Variants in COQ3 observed in about 807,000 individuals in gnomAD.
COQ3 encodes coenzyme Q3, methyltransferase.
A neutral mutation model predicts 33.1 loss-of-function variants in COQ3; 29 were observed. That is an observed-to-expected ratio of 0.88 (90% CI 0.65 to 1.19). The LOEUF (loss-of-function observed/expected upper bound fraction) is 1.19. Among genes scored for constraint, COQ3 ranks in the 50% most tolerant of loss-of-function variants. The pLI, the probability that COQ3 is intolerant of heterozygous loss-of-function variation, is 0.00. For synonymous variants in COQ3, 173 were observed against 157.8 expected (o/e 1.10, Z -0.72); for missense variants, 437 against 430.7 (o/e 1.01, Z -0.13).
Position 99,369,816 on chromosome 6 carries a change from A to G in COQ3, c.894T>C (p.Gly298=). The change falls in exon 7 of 7, where the codon GGT becomes GGC. Residue 298 remains glycine (G), a synonymous_variant. Coordinates refer to ENST00000254759, the MANE Select transcript of COQ3 (RefSeq NM_017421.4). ...TTCCTACCACTGTTTGAACTGACAG[A>G]CCATCTGAAAAAAAAAAAAATCAGA... ...ETLESILESN[G]LSVQTVVGML... 1.3e-6 allele frequency: 2 copies of G among 1,558,950 alleles called. No homozygotes were observed. The highest frequency in any genetic ancestry group is 1.7e-6 in the Non-Finnish European group (2 of 1,150,796).
intron 2 of COQ3, among the ~76,000 whole-genome samples, chr6:99,382,017 T>G (rs1774488715): frequency 6.6e-6 from 1 of 152,018 alleles, no homozygotes; most frequent in African/African-American, 2.4e-5. Flanking sequence ...CCTATACCAC[T>G]TTGTACTTCT....
Position 99,371,502 on chromosome 6 carries a change from C to T in COQ3, c.815G>A (p.Ser272Asn). 6.2e-7 allele frequency: 1 copy of T among 1,606,840 alleles called. No homozygotes were observed. The highest frequency in any genetic ancestry group is 8.5e-7 in the Non-Finnish European group (1 of 1,175,282). Reference sequence around the variant, plus strand: ...TGTATGAGTACCTTTTGGTACAATACTTGCAATTTGCTCTGAAAAAACAAT... The same window carrying T: ...TGTATGAGTACCTTTTGGTACAATATTTGCAATTTGCTCTGAAAAAACAAT... ...LGIVFSEQIA[S>N]IVPKGTHTWE... is the part of the protein sequence containing the mutation. Residue 272 changes from serine to asparagine, a missense_variant, in exon 6 of 7, where the codon AGT becomes AAT. Coordinates refer to ENST00000254759, the MANE Select transcript of COQ3 (RefSeq NM_017421.4).
chr6:99,390,687 A>G (rs1036805109), intron 1 of COQ3, among the ~76,000 whole-genome samples: 1 of 152,140 alleles, frequency 6.6e-6, no homozygotes, highest in African/African-American at 2.4e-5. Context: ...ATCTTAGTGT[A>G]GTTTTAATTG....
At chr6:99,370,336 T>C (rs1237605205) in intron 6 of COQ3, among the ~76,000 whole-genome samples, 1 of 134,746 alleles carries the variant, frequency 7.4e-6, no homozygotes, top group African/African-American at 2.8e-5. Flanking sequence ...TTTCTTTTCT[T>C]TTCTTTACTT....
chr6:99,371,400 A>G, intron 6 of COQ3, 28 bp downstream of exon 6: 1 of 1,537,954 alleles, frequency 6.5e-7, no homozygotes, highest in South Asian at 1.2e-5. Context: ...AGGCCTGGAA[A>G]ATTGGAAAAA....
Position 99,383,900 on chromosome 6 carries a change from CTATTT to C in COQ3, c.107-81_107-77del, listed in dbSNP as rs1431044296. 9 of 1,152,472 alleles carry C rather than the reference CTATTT, an allele frequency of 7.8e-6. No individual in the cohort carries two copies. The African/African-American group carries it at 8.2e-5, about 10-fold the overall frequency. The allele number at this position is 1,152,472 out of a possible 1,614,324, so 71.4% of individuals were successfully genotyped here. A position where few individuals can be genotyped will look rare whatever the true frequency, so the allele number is the denominator to read the frequency against. On this transcript the variant is annotated intron_variant, in intron 1 of 6. Coordinates refer to ENST00000254759, the MANE Select transcript of COQ3 (RefSeq NM_017421.4). ...CCTGATATGCATGTAATTGAAGATT[CTATTT>C]TATTTTATTATTTATTTTATAGTCT...
chr6:99,393,043 C>T (rs9376127), intron 1 of COQ3, among the ~76,000 whole-genome samples: 49,641 of 151,906 alleles, frequency 0.33, 8,968 homozygotes, highest in East Asian at 0.78. Context: ...ATAAAAGACA[C>T]ATGTTTACTA....
intron 1 of COQ3, among the ~76,000 whole-genome samples, chr6:99,389,159 G>A (rs1774751891): frequency 6.6e-6 from 1 of 151,992 alleles, no homozygotes; most frequent in African/African-American, 2.4e-5. Context: ...CTCTCACTCT[G>A]TCGCCCAAAT....
chr6:99,379,250 T>TA (rs1457135528), intron 3 of COQ3, among the ~76,000 whole-genome samples: 2 of 152,288 alleles, frequency 1.3e-5, no homozygotes, highest in Non-Finnish European at 2.9e-5. Context: ...AACTCACTGA[T>TA]AAAAAATATT....
intron 5 of COQ3, among the ~76,000 whole-genome samples, chr6:99,375,300 T>G (rs1774252392): frequency 6.6e-6 from 1 of 151,954 alleles, no homozygotes; most frequent in African/African-American, 2.4e-5. Flanking sequence ...TCATTCAATA[T>G]CTGTTAAGTA....
intron 1 of COQ3, among the ~76,000 whole-genome samples, chr6:99,393,093 T>G (rs1774875306): frequency 6.6e-6 from 1 of 151,910 alleles, no homozygotes; most frequent in Non-Finnish European, 1.5e-5. Flanking sequence ...AAGGATAAAA[T>G]GATAGAAAAT....
At chr6:99,375,243 C>T (rs1774251262) in intron 5 of COQ3, among the ~76,000 whole-genome samples, 1 of 152,122 alleles carries the variant, frequency 6.6e-6, no homozygotes, top group Non-Finnish European at 1.5e-5. Context: ...GCTGGGATTA[C>T]AGGTGTGAGC....
At chr6:99,388,660 C>T (rs987499998) in intron 1 of COQ3, among the ~76,000 whole-genome samples, 24 of 151,922 alleles carry the variant, frequency 1.6e-4, no homozygotes, top group African/African-American at 5.8e-4. Context: ...CTAGTCTGGC[C>T]AACATGGTGA....
chr6:99,390,782 C>T (rs1243459700), intron 1 of COQ3, among the ~76,000 whole-genome samples: 2 of 152,202 alleles, frequency 1.3e-5, no homozygotes, highest in Non-Finnish European at 2.9e-5. Flanking sequence ...ACAACCTCCA[C>T]CAAGGTCACC....
Position 99,369,568 on chromosome 6 carries a change from C to T in COQ3, c.*32G>A. The T allele has an allele frequency of 7.0e-7, 1 of 1,436,110 alleles. No individual in the cohort carries two copies. The highest frequency in any genetic ancestry group is 2.3e-5 in the East Asian group (1 of 43,808). 89.0% of individuals were successfully genotyped at this position (1,436,110 alleles called of 1,614,324 possible). A position where few individuals can be genotyped will look rare whatever the true frequency, so the allele number is the denominator to read the frequency against. On this transcript the variant is annotated 3_prime_UTR_variant, in exon 7 of 7. Coordinates refer to ENST00000254759, the MANE Select transcript of COQ3 (RefSeq NM_017421.4). ...TTTGTATTTGAAAACATCAGATATC[C>T]AAGCCATATTACTATAGTTCTCAGA...
intron 5 of COQ3, among the ~76,000 whole-genome samples, chr6:99,373,017 C>T (rs1297571599): frequency 1.3e-5 from 2 of 152,166 alleles, no homozygotes; most frequent in Non-Finnish European, 2.9e-5. Flanking sequence ...ACAAAAATAT[C>T]ATACACTATA....
intron 1 of COQ3, 56 bp from the exon 2 acceptor site, chr6:99,383,880 T>C (rs1774543392): frequency 1.6e-6 from 2 of 1,277,180 alleles, no homozygotes; most frequent in Non-Finnish European, 2.2e-6. Flanking sequence ...GAATCCCTGA[T>C]ATGCATGTAA....
chr6:99,377,605 T>C, intron 3 of COQ3, 120 bp from the exon 4 acceptor site: 2 of 573,920 alleles, frequency 3.5e-6, no homozygotes, highest in Non-Finnish European at 5.8e-6. Context: ...TTCATTTTTT[T>C]TATAAATAGA....
chr6:99,385,941 C>A (rs1255324550), intron 1 of COQ3, among the ~76,000 whole-genome samples: 1 of 138,806 alleles, frequency 7.2e-6, no homozygotes, highest in Non-Finnish European at 1.5e-5. Context: ...TGCGCCACTG[C>A]ACTCCCACCT....
Sources: allele counts gnomAD v4.1 joint callset (sites outside exome capture counted in the v4.1 genomes callset), GRCh38; gene constraint gnomAD v4.1.1; transcripts MANE v1.5; gene names NCBI Gene and HGNC (gene_info 2026-07-23, HGNC 2026-07-21).